The following PITPNM3 variants were observed in gnomAD, a reference collection of about 807,000 sequenced individuals.
The protein encoded by PITPNM3 is PITPNM family member 3.
In PITPNM3, 26 loss-of-function variants were observed where a neutral mutation model predicts 102.0. That is an observed-to-expected ratio of 0.25 (90% CI 0.19 to 0.35). The LOEUF (loss-of-function observed/expected upper bound fraction) is 0.35. PITPNM3 is among the 10% of genes least tolerant of loss of function. The pLI is 1.00. For missense variants in PITPNM3, 1,083 were observed against 1,346.1 expected (o/e 0.80, Z 3.06); for synonymous variants, 578 against 558.6 (o/e 1.03, Z -0.49).
At chr17:6,514,309 C>CA (rs56804713) in intron 3 of PITPNM3, among the ~76,000 whole-genome samples, 53,888 of 146,056 alleles carry the variant, frequency 0.37, 9,710 homozygotes, top group Admixed American at 0.41. Flanking sequence ...AAGACATTAT[C>CA]AAAAAAAAAA....
intron 3 of PITPNM3, among the ~76,000 whole-genome samples, chr17:6,518,208 A>G (rs1168286355): frequency 6.6e-6 from 1 of 152,208 alleles, no homozygotes; most frequent in African/African-American, 2.4e-5. Context: ...GGATTCTTGT[A>G]CATGGCTCTC....
In PITPNM3 at chr17:6,455,610, C is replaced by A. The variant is rs368347727; in HGVS notation, c.2653G>T (p.Ala885Ser). Reference protein sequence around the residue: ...LSEGYAAHLAALEASHRSRPK... With the variant: ...LSEGYAAHLASLEASHRSRPK... Reference sequence around the variant, plus strand: ...CGTGAGCGGTGGCTGGCCTCCAGCGCGGCCAGGTGTGCGGCGTAGCCCTCG... The same window carrying A: ...CGTGAGCGGTGGCTGGCCTCCAGCGAGGCCAGGTGTGCGGCGTAGCCCTCG... Residue 885 changes from alanine (A) to serine (S), a missense_variant, in exon 20 of 20, where the codon GCG (alanine) becomes TCG (serine). By Grantham distance (99) the Ala-to-Ser change is moderately conservative. Coordinates refer to ENST00000262483, the MANE Select transcript of PITPNM3 (RefSeq NM_031220.4). 2 of 1,559,106 alleles carry A rather than the reference C, an allele frequency of 1.3e-6. No individual in the cohort carries two copies. The highest frequency in any genetic ancestry group is 1.5e-5 in the African/African-American group (1 of 66,478).
intron 1 of PITPNM3, among the ~76,000 whole-genome samples, chr17:6,542,294 T>C (rs1909772479): frequency 6.6e-6 from 1 of 152,184 alleles, no homozygotes; most frequent in Admixed American, 6.5e-5. Context: ...TGCGTAGAGG[T>C]GTCTAGTGTT....
intron 4 of PITPNM3, among the ~76,000 whole-genome samples, 196 bp downstream of exon 4, chr17:6,503,331 G>C (rs963941473): frequency 5.3e-5 from 8 of 152,172 alleles, no homozygotes; most frequent in Non-Finnish European, 1.2e-4. Flanking sequence ...GGAACCCGAG[G>C]AGGCTCAGTT....
chr17:6,528,127 T>C (rs1908937523), intron 2 of PITPNM3, among the ~76,000 whole-genome samples: 2 of 152,198 alleles, frequency 1.3e-5, no homozygotes, highest in African/African-American at 2.4e-5. Context: ...TCTGGACCCC[T>C]TTCTATGGGT....
chr17:6,546,979 C>T (rs138704762), intron 1 of PITPNM3, among the ~76,000 whole-genome samples: 1 of 152,064 alleles, frequency 6.6e-6, no homozygotes, highest in East Asian at 1.9e-4. Flanking sequence ...TGCACTCCAG[C>T]CTGGGTGACA....
chr17:6,542,433 C>T (rs1213689189), intron 1 of PITPNM3, among the ~76,000 whole-genome samples: 1 of 152,188 alleles, frequency 6.6e-6, no homozygotes, highest in Non-Finnish European at 1.5e-5. Flanking sequence ...TGCATGCACA[C>T]TCCCATAATT....
In PITPNM3 at chr17:6,545,642, G is replaced by C. The variant is rs560751363; in HGVS notation, c.23-7560C>G. Reference sequence around the variant, plus strand: ...TCCTCTCCAGGCCTTTCCTCCTGCAGGTCCTGATGCCTGAAACGTCTTCTA... The same window carrying C: ...TCCTCTCCAGGCCTTTCCTCCTGCACGTCCTGATGCCTGAAACGTCTTCTA... On this transcript the variant is annotated intron_variant, in intron 1 of 19. Transcript: ENST00000262483. Among the ~76,000 whole-genome samples, 175 of 152,268 alleles carry C rather than the reference G, an allele frequency of 1.1e-3. 2 individuals carry two copies. Among genetic ancestry groups the C allele is most frequent in the African/African-American group, 4.0e-3 (166 of 41,544 alleles).
Position 6,477,037 on chromosome 17 carries a change from G to A in PITPNM3, c.1077C>T (p.Phe359=), listed in dbSNP as rs1567667470. The A allele has an allele frequency of 4.3e-6, 7 of 1,614,114 alleles. No homozygotes were observed. The highest frequency in any genetic ancestry group is 5.9e-6 in the Non-Finnish European group (7 of 1,180,018). ...GGACAGGGAGGGGCTACCTTGAGAG[G>A]AAGGCATGGTGCTGGGTGATGGCCT... ...DCEAITQHHA[F]LSSIHSSVLK... Residue 359 remains phenylalanine, a synonymous_variant, in exon 9 of 20, where the codon TTC becomes TTT. Transcript: ENST00000262483.
Position 6,457,376 on chromosome 17 carries a change from A to T in PITPNM3, c.2619+218T>A, listed in dbSNP as rs1432125125. 6.6e-6 allele frequency among the ~76,000 whole-genome samples: 1 copy of T among 152,108 alleles called. No homozygotes were observed. Among genetic ancestry groups the T allele is most frequent in the Non-Finnish European group, 1.5e-5 (1 of 68,026 alleles). ...GCAAATGTGTCCATCTCGCCACTAC[A>T]CTGAAGTTCATTGCATCTGGCTCCA... is the stretch of plus-strand genomic sequence containing the variant. On this transcript the variant is annotated intron_variant, in intron 19 of 19. Transcript: ENST00000262483. This position sits in a 1 kb window ranked among gnomAD's most constrained non-coding sequence, Gnocchi z 4.7.
intron 3 of PITPNM3, among the ~76,000 whole-genome samples, chr17:6,521,944 CCTT>C (rs920715667): frequency 2.6e-5 from 4 of 152,164 alleles, no homozygotes; most frequent in African/African-American, 7.2e-5. Context: ...ACAAAAAGAA[CCTT>C]CTTTGCGGAA....
chr17:6,473,675 C>T (rs545115661), intron 10 of PITPNM3, among the ~76,000 whole-genome samples: 17 of 152,224 alleles, frequency 1.1e-4, no homozygotes, highest in African/African-American at 3.9e-4. Flanking sequence ...CAGGAAAAGG[C>T]ATTCGAGGTT....
chr17:6,496,593 G>A (rs893897340), intron 4 of PITPNM3, among the ~76,000 whole-genome samples: 5 of 152,098 alleles, frequency 3.3e-5, no homozygotes, highest in Non-Finnish European at 7.4e-5. Context: ...TTCATTTTAT[G>A]ACTATTTGAT....
At position 6,458,799 on chromosome 17, in the gene PITPNM3, C is replaced by T. The variant is rs771221747; in HGVS notation, c.2491-1077G>A. 1.2e-4 allele frequency among the ~76,000 whole-genome samples: 18 copies of T among 152,074 alleles called. No homozygotes were observed. The highest frequency in any genetic ancestry group is 3.4e-4 in the African/African-American group (14 of 41,396). ...CCTTCATCCTCCTCCCACACCTGCC[C>T]GGCCAAATCTCAGCCCTGGAAATTT... On this transcript the variant is annotated intron_variant, in intron 18 of 19. Transcript: ENST00000262483. The surrounding 1 kb of genome is among the most constrained non-coding windows in gnomAD (Gnocchi z 5.1).
chr17:6,515,225 G>A (rs1455544896), intron 3 of PITPNM3, among the ~76,000 whole-genome samples: 3 of 151,692 alleles, frequency 2.0e-5, no homozygotes, highest in East Asian at 1.9e-4. Context: ...GTGAAACCCT[G>A]TCTCTACTAA....
At chr17:6,553,023 G>A (rs981770876) in intron 1 of PITPNM3, among the ~76,000 whole-genome samples, 1 of 151,078 alleles carries the variant, frequency 6.6e-6, no homozygotes, top group South Asian at 2.1e-4. Context: ...GCCCGCCTCG[G>A]CGTCCCAAAG....
At position 6,472,562 on chromosome 17, in the gene PITPNM3, G is replaced by T; in HGVS notation, c.1429+95C>A. The stretch of plus-strand genomic sequence containing the variant: ...TTCTGTTCTCACAGCCCCTGCTCAG[G>T]TGAGTCACCCTACTCACTGAGAGCT... On this transcript the variant is annotated intron_variant, in intron 11 of 19. Transcript: ENST00000262483. The surrounding 1 kb of genome is among the most constrained non-coding windows in gnomAD (Gnocchi z 4.1). The T allele has an allele frequency of 6.8e-7, 1 of 1,468,274 alleles. No homozygotes were observed. The highest frequency in any genetic ancestry group is 9.3e-7 in the Non-Finnish European group (1 of 1,073,356). 91.0% of individuals were successfully genotyped at this position (1,468,274 alleles called of 1,614,324 possible). A position where few individuals can be genotyped will look rare whatever the true frequency, so the allele number is the denominator to read the frequency against.
Position 6,461,454 on chromosome 17 carries a change from C to T in PITPNM3, c.2409G>A (p.Gln803=). 1 of 1,614,202 alleles carries T rather than the reference C, an allele frequency of 6.2e-7. No homozygotes were observed. The highest frequency in any genetic ancestry group is 8.5e-7 in the Non-Finnish European group (1 of 1,180,036). ...VSWLSQHNFP[Q]GMIFFSDGLV... ...GCCCATCGGAGAAGAAGATCATGCC[C>T]TGTGGGAAGTTGTGCTGGGACAGCC... Residue 803 remains glutamine, a synonymous_variant, in exon 18 of 20, where the codon CAG becomes CAA. Coordinates refer to ENST00000262483, the MANE Select transcript of PITPNM3 (RefSeq NM_031220.4).
chr17:6,512,855 A>G (rs1352761684), intron 3 of PITPNM3, among the ~76,000 whole-genome samples: 1 of 152,128 alleles, frequency 6.6e-6, no homozygotes, highest in African/African-American at 2.4e-5. Flanking sequence ...TCATTCCTTA[A>G]ATGATAGCTC....
Sources: allele counts gnomAD v4.1 joint callset (sites outside exome capture counted in the v4.1 genomes callset), GRCh38; gene constraint gnomAD v4.1.1; non-coding constraint Gnocchi (gnomAD v3.1); transcripts MANE v1.5; gene names NCBI Gene and HGNC (gene_info 2026-07-23, HGNC 2026-07-21).